The following ITGA8 variants were observed in gnomAD, a reference collection of about 807,000 sequenced individuals.
ITGA8 encodes integrin alpha-8.
ITGA8 carries 91 observed loss-of-function variants against 142.3 expected under a neutral mutation model. The ratio of observed to expected loss-of-function variants is 0.64; its 90% CI spans 0.54 to 0.76. ITGA8 has a LOEUF of 0.76. ITGA8 is among the 30% of genes least tolerant of loss of function. The probability of loss-of-function intolerance (pLI) is 0.00; values close to 1 mark genes in which losing one functional copy is unlikely to be tolerated. For missense variants in ITGA8, 1,406 were observed against 1,327.7 expected, an observed-to-expected ratio of 1.06 and a Z score of -0.92; for synonymous variants, 505 against 485.2, an observed-to-expected ratio of 1.04 and a Z score of -0.54.
chr10:15,541,012 C>T (rs149524700), intron 27 of ITGA8, among the ~76,000 whole-genome samples: 40 of 152,288 alleles, frequency 2.6e-4, no homozygotes, highest in Middle Eastern at 3.4e-3. Context: ...GAATAACTTG[C>T]CCTTCAATTT....
At chr10:15,636,715 GTTCC>G (rs1316183482) in intron 13 of ITGA8, among the ~76,000 whole-genome samples, 1 of 152,056 alleles carries the variant, frequency 6.6e-6, no homozygotes, top group Non-Finnish European at 1.5e-5. Flanking sequence ...TGTTGTGTTA[GTTCC>G]TTCCTTTCAA....
In ITGA8 at chr10:15,514,400, T is replaced by C. The variant is rs1832926587; in HGVS notation, c.*2758A>G. On this transcript the variant is annotated 3_prime_UTR_variant, in exon 30 of 30. Coordinates refer to ENST00000378076, the MANE Select transcript of ITGA8 (RefSeq NM_003638.3). ...TCCATATTCTTTTTTTATTTTTTAT[T>C]TTATTTATTTTTTTGTTGAGACAGA... 3 of 152,042 alleles carry C rather than the reference T, an allele frequency of 2.0e-5. No individual in the cohort carries two copies. The South Asian group carries it at 6.2e-4, about 32-fold the overall frequency. 9.4% of individuals were successfully genotyped at this position (152,042 alleles called of 1,614,324 possible).
At chr10:15,525,590 T>C (rs372395083) in intron 28 of ITGA8, among the ~76,000 whole-genome samples, 1 of 121,352 alleles carries the variant, frequency 8.2e-6, no homozygotes, top group East Asian at 2.5e-4. Context: ...TGCAGTGAGC[T>C]GACATCATAG....
chr10:15,633,799 T>C (rs546211805), intron 13 of ITGA8, among the ~76,000 whole-genome samples: 5 of 152,278 alleles, frequency 3.3e-5, no homozygotes, highest in Admixed American at 3.3e-4. Context: ...CACTCATATA[T>C]CACTAAGTCA....
intron 2 of ITGA8, among the ~76,000 whole-genome samples, chr10:15,709,067 C>T (rs1280005688): frequency 6.6e-6 from 1 of 152,182 alleles, no homozygotes; most frequent in African/African-American, 2.4e-5. Context: ...AGGCCCCATC[C>T]TATGAATCCA....
chr10:15,639,780 T>C (rs1833837910), intron 13 of ITGA8, among the ~76,000 whole-genome samples: 2 of 152,200 alleles, frequency 1.3e-5, no homozygotes, highest in South Asian at 4.1e-4. Context: ...GAGTGGCTAA[T>C]TTAATTGGTT....
chr10:15,560,603 G>T (rs1833957322), intron 25 of ITGA8, among the ~76,000 whole-genome samples: 5 of 152,156 alleles, frequency 3.3e-5, no homozygotes, highest in Admixed American at 3.3e-4. Context: ...AATAAGTTAT[G>T]ATCTATTTAT....
intron 26 of ITGA8, among the ~76,000 whole-genome samples, chr10:15,549,765 A>T (rs1564346840): frequency 6.6e-6 from 1 of 152,364 alleles, no homozygotes; most frequent in East Asian, 1.9e-4. Flanking sequence ...AATGAAATTG[A>T]TATAACACAG....
chr10:15,644,493 G>T (rs368302296), intron 12 of ITGA8, among the ~76,000 whole-genome samples: 761 of 8,828 alleles, frequency 0.086, 45 homozygotes, highest in African/African-American at 0.13. Context: ...TATATATATA[G>T]AATTTTTTTT....
intron 7 of ITGA8, 106 bp from the exon 8 acceptor site, chr10:15,671,753 A>G: frequency 6.4e-6 from 5 of 776,368 alleles, no homozygotes; most frequent in Non-Finnish European, 1.1e-5. Flanking sequence ...TTTATTTAGA[A>G]ACCTCTACAA....
intron 26 of ITGA8, among the ~76,000 whole-genome samples, chr10:15,552,051 A>T (rs1191508629): frequency 6.6e-6 from 1 of 152,224 alleles, no homozygotes; most frequent in Non-Finnish European, 1.5e-5. Flanking sequence ...TTCAAAAAAA[A>T]TTTCGTTATT....
At chr10:15,609,036 A>G (rs1050470266) in intron 15 of ITGA8, among the ~76,000 whole-genome samples, 11 of 152,122 alleles carry the variant, frequency 7.2e-5, no homozygotes, top group Non-Finnish European at 1.5e-4. Context: ...GAGAGGGCAG[A>G]TGTCCATGAG....
intron 2 of ITGA8, among the ~76,000 whole-genome samples, chr10:15,690,028 C>G (rs1438721406): frequency 6.6e-6 from 1 of 152,260 alleles, no homozygotes; most frequent in African/African-American, 2.4e-5. Flanking sequence ...TGACTCTGCA[C>G]TCGAGCCCGT....
In ITGA8 at chr10:15,604,324, T is replaced by G. The variant is rs374152816; in HGVS notation, c.2002A>C (p.Asn668His). The G allele has an allele frequency of 1.2e-6, 2 of 1,612,248 alleles. No individual in the cohort carries two copies. The highest frequency in any genetic ancestry group is 2.7e-5 in the African/African-American group (2 of 74,858). The change falls in exon 20 of 30, where the codon AAT becomes CAT. Residue 668 changes from asparagine to histidine, a missense_variant. Coordinates refer to ENST00000378076, the MANE Select transcript of ITGA8 (RefSeq NM_003638.3). ...GCATTTATTATGAGCATAAGGTGATTTTCATCTCCAATGATTACCTGATGC... is the reference window on the plus strand; with the variant it reads ...GCATTTATTATGAGCATAAGGTGATGTTCATCTCCAATGATTACCTGATGC... ...DKHQVIIGDE[N>H]HLMLIINARN...
Position 15,572,200 on chromosome 10 carries a change from C to A in ITGA8, c.2637+11G>T. ...AAATCAACAAAGCCACTGATTAGAC[C>A]AGACTCCTACCTTTATATCCTGTGG... On this transcript the variant is annotated intron_variant, in intron 25 of 29. Coordinates refer to ENST00000378076, the MANE Select transcript of ITGA8 (RefSeq NM_003638.3). 2 of 1,604,296 alleles carry A rather than the reference C, an allele frequency of 1.2e-6. No individual in the cohort carries two copies. Among genetic ancestry groups the A allele is most frequent in the South Asian group, 1.1e-5 (1 of 89,082 alleles).
intron 26 of ITGA8, among the ~76,000 whole-genome samples, chr10:15,552,036 C>A (rs1250992088): frequency 2.0e-5 from 3 of 151,776 alleles, no homozygotes; most frequent in African/African-American, 7.3e-5. Context: ...CAAATACATA[C>A]AATTTTCAAA....
chr10:15,603,611 A>G (rs1197860192), intron 20 of ITGA8, among the ~76,000 whole-genome samples: 1 of 152,238 alleles, frequency 6.6e-6, no homozygotes, highest in African/African-American at 2.4e-5. Flanking sequence ...CTGATAAGGA[A>G]GGGGAAGACT....
chr10:15,520,578 C>G (rs886872052), intron 28 of ITGA8, among the ~76,000 whole-genome samples: 3 of 152,218 alleles, frequency 2.0e-5, no homozygotes, highest in Non-Finnish European at 2.9e-5. Context: ...AGAAGCACTT[C>G]TATTGCTCCT....
chr10:15,569,314 A>T (rs1387051913), intron 25 of ITGA8, among the ~76,000 whole-genome samples: 1 of 152,124 alleles, frequency 6.6e-6, no homozygotes, highest in Non-Finnish European at 1.5e-5. Flanking sequence ...TCCAGTGGGG[A>T]CTGGAGCATC....
Sources: gnomAD v4.1 joint callset for allele counts (sites outside exome capture counted in the v4.1 genomes callset) on GRCh38, gnomAD v4.1.1 for gene constraint, MANE v1.5 for transcripts, NCBI Gene and HGNC (gene_info 2026-07-23, HGNC 2026-07-21) for gene names.